The following PLXNA2 variants were observed in gnomAD, a reference collection of about 807,000 sequenced individuals.
PLXNA2 encodes plexin A2.
Under a neutral mutation model 193.5 loss-of-function variants are expected in PLXNA2, and 91 were observed. The ratio of observed to expected loss-of-function variants is 0.47; its 90% CI spans 0.40 to 0.56. The LOEUF is 0.56. PLXNA2 is among the 20% of genes least tolerant of loss of function. The probability of loss-of-function intolerance (pLI) is 0.00; values close to 1 mark genes in which losing one functional copy is unlikely to be tolerated. For missense variants in PLXNA2, 1,995 were observed against 2,503.2 expected (o/e 0.80, Z 4.33); for synonymous variants, 997 against 1,027.3 (o/e 0.97, Z 0.56).
chr1:208,204,603 T>C (rs891049397), intron 3 of PLXNA2, among the ~76,000 whole-genome samples: 2 of 152,260 alleles, frequency 1.3e-5, no homozygotes, highest in Non-Finnish European at 2.9e-5. Context: ...GGAGTCACCG[T>C]TGGTGTCTGA....
At chr1:208,182,389 C>T (rs921388788) in intron 3 of PLXNA2, among the ~76,000 whole-genome samples, 6 of 151,970 alleles carry the variant, frequency 3.9e-5, no homozygotes, top group African/African-American at 9.7e-5. Flanking sequence ...GCCCAGATCG[C>T]GCCACTGCAC....
chr1:208,126,662 G>T (rs1667983282), intron 4 of PLXNA2, among the ~76,000 whole-genome samples: 1 of 152,126 alleles, frequency 6.6e-6, no homozygotes, highest in African/African-American at 2.4e-5. Context: ...GCTTAGGAAG[G>T]GTAGTGCCAG....
intron 4 of PLXNA2, among the ~76,000 whole-genome samples, chr1:208,125,791 G>A (rs1242263047): frequency 6.6e-6 from 1 of 152,176 alleles, no homozygotes; most frequent in Non-Finnish European, 1.5e-5. Context: ...GAGGGGATAG[G>A]CTGCTTCCAA....
chr1:208,178,906 G>A (rs575530425), intron 3 of PLXNA2, among the ~76,000 whole-genome samples: 17 of 152,238 alleles, frequency 1.1e-4, no homozygotes, highest in Non-Finnish European at 1.6e-4. Flanking sequence ...CAGGTGATTC[G>A]GATGCAAGCT....
At chr1:208,121,551 C>T (rs1667808746) in intron 4 of PLXNA2, among the ~76,000 whole-genome samples, 1 of 152,090 alleles carries the variant, frequency 6.6e-6, no homozygotes. Flanking sequence ...TTATAAGCAT[C>T]TGGCATTCCC....
intron 2 of PLXNA2, among the ~76,000 whole-genome samples, chr1:208,214,661 C>T (rs1671068556): frequency 6.6e-6 from 1 of 152,188 alleles, no homozygotes; most frequent in Non-Finnish European, 1.5e-5. Context: ...GCCCTCAGCA[C>T]TGTGTACAAG....
intron 3 of PLXNA2, among the ~76,000 whole-genome samples, chr1:208,160,573 GA>G (rs1424492459): frequency 1.3e-5 from 2 of 152,268 alleles, no homozygotes; most frequent in African/African-American, 4.8e-5. Flanking sequence ...CAGGCTGGAA[GA>G]AAGACAAGCC....
At chr1:208,081,694 T>C (rs1052836686) in intron 11 of PLXNA2, among the ~76,000 whole-genome samples, 1 of 152,188 alleles carries the variant, frequency 6.6e-6, no homozygotes, top group Non-Finnish European at 1.5e-5. Flanking sequence ...TCAGAGTTAT[T>C]GTGATGCTTA....
chr1:208,210,410 C>A lies in PLXNA2; in HGVS notation c.1241G>T (p.Gly414Val), dbSNP rs745506267. Residue 414 changes from glycine to valine, a missense_variant, in exon 3 of 32, where the codon GGA (glycine) becomes GTA (valine). By Grantham distance (109) the Gly-to-Val change is moderately radical (BLOSUM62 -3). This residue lies in a region of PLXNA2 where 702 missense variants were observed against 812.9 expected (regional missense o/e 0.86). Transcript: ENST00000367033. ...FCGLDINQPL[G>V]GSTPVEGLTL... ...CAGGCCCTCCACTGGAGTTGAGCCTCCCAGGGGCTGGTTGATGTCCAGTCC... is the reference window on the plus strand; with the variant it reads ...CAGGCCCTCCACTGGAGTTGAGCCTACCAGGGGCTGGTTGATGTCCAGTCC... 1.9e-6 allele frequency: 3 copies of A among 1,613,874 alleles called. No homozygotes were observed. Among genetic ancestry groups the A allele is most frequent in the African/African-American group, 1.3e-5 (1 of 74,882 alleles).
rs996139995 is a variant in PLXNA2, at chr1:208,026,307, T to TCTCA, written c.*932_*935dup. The TCTCA allele has an allele frequency of 1.3e-5, 2 of 152,180 alleles. No homozygotes were observed. The highest frequency in any genetic ancestry group is 4.8e-5 in the African/African-American group (2 of 41,426). The allele number at this position is 152,180 out of a possible 1,614,324, so 9.4% of individuals were successfully genotyped here. Reference sequence around the variant, plus strand: ...TGGGAGAGGCCCACCTCACCCCACTTCTCATAGTAACTTTAGGGAAATTGA... The same window carrying TCTCA: ...TGGGAGAGGCCCACCTCACCCCACTTCTCACTCATAGTAACTTTAGGGAAATTGA... On this transcript the variant is annotated 3_prime_UTR_variant, in exon 32 of 32. Transcript: ENST00000367033.
At position 208,052,316 on chromosome 1, in the gene PLXNA2, G is replaced by T; in HGVS notation, c.2993+11C>A. ...GTGCAGTCTTCTGGTGGCCCTTCAA[G>T]TTTATCTCACCCGTAGAACTCGCAG... On this transcript the variant is annotated intron_variant, in intron 15 of 31. Coordinates refer to ENST00000367033, the MANE Select transcript of PLXNA2 (RefSeq NM_025179.4). 1 of 1,611,808 alleles carries T rather than the reference G, an allele frequency of 6.2e-7. No individual in the cohort carries two copies.
rs1403352718 is a variant in PLXNA2 at position 208,038,845 on chromosome 1, C to A, written c.4640G>T (p.Arg1547Met). The change falls in exon 25 of 32, where the codon AGG (arginine) becomes ATG (methionine). Residue 1547 changes from arginine to methionine, a missense_variant. Arg to Met is a moderately conservative substitution (Grantham distance 91). This residue lies in a region of PLXNA2 where 1,291 missense variants were observed against 1,673.6 expected (regional missense o/e 0.77). Coordinates refer to ENST00000367033, the MANE Select transcript of PLXNA2 (RefSeq NM_025179.4). The surrounding 1 kb of genome is among the most constrained non-coding windows in gnomAD (Gnocchi z 4.1). ...YKNVPYSQRP[R>M]AVDMDLEWRQ... ...CCTACCCAAGTCCATGTCCACTGCC[C>A]TCGGCCGCTGGGAATAGGGCACATT... 1 of 1,614,054 alleles carries A rather than the reference C, an allele frequency of 6.2e-7. No individual in the cohort carries two copies. Among genetic ancestry groups the A allele is most frequent in the Non-Finnish European group, 8.5e-7 (1 of 1,179,944 alleles).
At chr1:208,077,447 A>G (rs1455777240) in intron 12 of PLXNA2, among the ~76,000 whole-genome samples, 1 of 152,188 alleles carries the variant, frequency 6.6e-6, no homozygotes, top group Non-Finnish European at 1.5e-5. Context: ...TTCGGCTGGA[A>G]AGGGGCCCCA....
chr1:208,241,533 G>A (rs1367764527), intron 1 of PLXNA2, among the ~76,000 whole-genome samples: 1 of 152,236 alleles, frequency 6.6e-6, no homozygotes, highest in Admixed American at 6.5e-5. Flanking sequence ...CTGCCAAAAA[G>A]AAGGACCAGC....
intron 3 of PLXNA2, among the ~76,000 whole-genome samples, chr1:208,204,608 G>A (rs1042101169): frequency 3.6e-4 from 55 of 152,178 alleles, no homozygotes; most frequent in African/African-American, 1.2e-3. Context: ...CACCGTTGGT[G>A]TCTGATTCTA....
intron 17 of PLXNA2, among the ~76,000 whole-genome samples, chr1:208,048,912 C>G (rs775675625): frequency 2.6e-5 from 4 of 152,194 alleles, no homozygotes; most frequent in Admixed American, 2.6e-4. Context: ...TGTGAGCGTG[C>G]CTTTCATATG....
chr1:208,058,343 C>CGG (rs923518334), intron 13 of PLXNA2, among the ~76,000 whole-genome samples: 11 of 152,064 alleles, frequency 7.2e-5, no homozygotes, highest in African/African-American at 2.7e-4. Context: ...CAGGACTAAG[C>CGG]GGGGCCCTTT....
Position 208,219,064 on chromosome 1 carries a change from A to G in PLXNA2, c.-80-1062T>C, listed in dbSNP as rs538356760. ...TGACTGTTTCAGCATCCATGAAATC[A>G]CCAGCGGGCCTCAGTGGGCCATGCT... On this transcript the variant is annotated intron_variant, in intron 1 of 31. Coordinates refer to ENST00000367033, the MANE Select transcript of PLXNA2 (RefSeq NM_025179.4). 2.0e-5 allele frequency among the ~76,000 whole-genome samples: 3 copies of G among 152,284 alleles called. No homozygotes were observed. The South Asian group carries it at 6.2e-4, about 32-fold the overall frequency.
At chr1:208,049,598 G>A (rs1665189755) in intron 17 of PLXNA2, among the ~76,000 whole-genome samples, 2 of 152,334 alleles carry the variant, frequency 1.3e-5, no homozygotes, top group African/African-American at 4.8e-5. Flanking sequence ...AGCATTTCAT[G>A]TGGCCTAGTT....
Sources: allele counts gnomAD v4.1 joint callset (sites outside exome capture counted in the v4.1 genomes callset), GRCh38; gene constraint gnomAD v4.1.1; regional missense constraint gnomAD v4.1.1; non-coding constraint Gnocchi (gnomAD v3.1); transcripts MANE v1.5; gene names NCBI Gene and HGNC (gene_info 2026-07-23, HGNC 2026-07-21).